The following TAF3 variants were observed in gnomAD, a reference collection of about 807,000 sequenced individuals.
TAF3 encodes the protein TATA-box binding protein associated factor 3.
A neutral mutation model predicts 80.6 loss-of-function variants in TAF3; 7 were observed. The observed-to-expected ratio is 0.09, with a 90% CI of 0.05 to 0.16. The LOEUF is 0.16. Among genes scored for constraint, TAF3 ranks in the 10% least tolerant of loss-of-function variants. The pLI, the probability that TAF3 is intolerant of heterozygous loss-of-function variation, is 1.00. For synonymous variants in TAF3, 444 were observed against 446.1 expected, an observed-to-expected ratio of 1.00 and a Z score of 0.06; for missense variants, 921 against 1,140.2, an observed-to-expected ratio of 0.81 and a Z score of 2.77.
chr10:7,916,986 A>G (rs968306481), intron 2 of TAF3, among the ~76,000 whole-genome samples: 1 of 152,228 alleles, frequency 6.6e-6, no homozygotes, highest in South Asian at 2.1e-4. Context: ...CTTTGGATTC[A>G]TAGGGATCTG....
chr10:7,991,023 G>T (rs1272090814), intron 4 of TAF3, among the ~76,000 whole-genome samples: 2 of 152,176 alleles, frequency 1.3e-5, no homozygotes, highest in Non-Finnish European at 2.9e-5. Flanking sequence ...GACCTTCAAG[G>T]TTAGGAGCTG....
intron 2 of TAF3, among the ~76,000 whole-genome samples, chr10:7,922,772 G>A (rs945957118): frequency 6.6e-6 from 1 of 152,020 alleles, no homozygotes; most frequent in Admixed American, 6.6e-5. Context: ...GTTTTCAAGC[G>A]ATGTTAGAAT....
intron 2 of TAF3, among the ~76,000 whole-genome samples, chr10:7,832,702 A>G (rs1280508328): frequency 6.6e-6 from 1 of 152,080 alleles, no homozygotes; most frequent in Non-Finnish European, 1.5e-5. Flanking sequence ...GGTGCCCACC[A>G]CCACACCCGG....
chr10:7,958,912 A>G (rs985926604), intron 2 of TAF3, among the ~76,000 whole-genome samples: 1 of 152,188 alleles, frequency 6.6e-6, no homozygotes, highest in Admixed American at 6.5e-5. Flanking sequence ...AGGTGGGCGG[A>G]TCACAAGGTC....
At chr10:7,828,900 G>GGTGC (rs75049151) in intron 2 of TAF3, among the ~76,000 whole-genome samples, 98,229 of 150,668 alleles carry the variant, frequency 0.65, 32,468 homozygotes, top group South Asian at 0.88. Context: ...TGGGTGTGGT[G>GGTGC]GTGCCTGTAG....
At chr10:7,975,070 C>CAAAAA (rs35755700) in intron 3 of TAF3, 13 of 175,914 alleles carry the variant, frequency 7.4e-5, no homozygotes, top group East Asian at 2.1e-4. Context: ...GACTCTGTCT[C>CAAAAA]AAAAAAAAAA....
intron 1 of TAF3, 116 bp from the exon 2 acceptor site, chr10:7,824,202 T>C: frequency 8.6e-7 from 1 of 1,160,062 alleles, no homozygotes; most frequent in Non-Finnish European, 1.2e-6. Context: ...TTCCAATAAC[T>C]AGGTTAAAAT....
chr10:7,834,129 G>GT (rs1564343314), intron 2 of TAF3, among the ~76,000 whole-genome samples: 1 of 152,210 alleles, frequency 6.6e-6, no homozygotes, highest in African/African-American at 2.4e-5. Context: ...GTGGGTGCAC[G>GT]TGTTTTCCTC....
intron 2 of TAF3, among the ~76,000 whole-genome samples, chr10:7,846,043 C>T (rs1836967859): frequency 6.6e-6 from 1 of 150,580 alleles, no homozygotes; most frequent in African/African-American, 2.4e-5. Context: ...ACTGCAAGCT[C>T]CGCCTCCTGG....
chr10:7,836,313 G>A (rs188348486), intron 2 of TAF3, among the ~76,000 whole-genome samples: 5 of 149,462 alleles, frequency 3.3e-5, no homozygotes, highest in East Asian at 2.0e-4. Flanking sequence ...TTTTTGAGAC[G>A]GAGTTTCGCT....
chr10:7,899,009 T>C (rs978229836), intron 2 of TAF3, among the ~76,000 whole-genome samples: 89 of 152,286 alleles, frequency 5.8e-4, no homozygotes, highest in African/African-American at 2.0e-3. Context: ...TCAGTTCCCA[T>C]AGGTTTTTTC....
At chr10:7,960,944 TC>T (rs1288484855) in intron 2 of TAF3, among the ~76,000 whole-genome samples, 17 of 152,284 alleles carry the variant, frequency 1.1e-4, no homozygotes, top group Non-Finnish European at 2.1e-4. Context: ...ACCCTCAATT[TC>T]CAAGGGATGC....
At chr10:7,852,653 C>T (rs945255187) in intron 2 of TAF3, among the ~76,000 whole-genome samples, 2 of 152,192 alleles carry the variant, frequency 1.3e-5, no homozygotes, top group African/African-American at 4.8e-5. Flanking sequence ...CGTCAGAGTA[C>T]ACATAATATC....
intron 2 of TAF3, among the ~76,000 whole-genome samples, chr10:7,886,264 C>T (rs1837408195): frequency 6.6e-6 from 1 of 152,280 alleles, no homozygotes; most frequent in South Asian, 2.1e-4. Flanking sequence ...CCACATTAGA[C>T]ATAACCAGCC....
At chr10:7,977,193 A>G in intron 3 of TAF3, 48 bp from the exon 4 acceptor site, 1 of 1,557,356 alleles carries the variant, frequency 6.4e-7, no homozygotes, top group African/African-American at 1.4e-5. Flanking sequence ...GGTAGGAGGT[A>G]CTTTTGTTGA....
chr10:7,969,240 C>T lies in TAF3; in HGVS notation c.2232+3498C>T, dbSNP rs1021659226. 4.6e-5 allele frequency among the ~76,000 whole-genome samples: 7 copies of T among 151,746 alleles called. No individual in the cohort carries two copies. The East Asian group carries it at 5.8e-4, about 13-fold the overall frequency. On this transcript the variant is annotated intron_variant, in intron 3 of 6. Transcript: ENST00000344293. ...GTCTCAGCTGCTTGGGAGGCTAAGG[C>T]GGGAGGATAGCACCACTGCACTTCA...
At chr10:7,921,702 G>A (rs1420603572) in intron 2 of TAF3, among the ~76,000 whole-genome samples, 1 of 152,100 alleles carries the variant, frequency 6.6e-6, no homozygotes, top group Admixed American at 6.5e-5. Context: ...TTCAGGTAAG[G>A]TTGTATAGTC....
rs772739819 is a variant in TAF3 at position 8,009,267 on chromosome 10, C to T, written c.2505C>T (p.Ala835=). 6.4e-7 allele frequency: 1 copy of T among 1,567,386 alleles called. No individual in the cohort carries two copies. Among genetic ancestry groups the T allele is most frequent in the South Asian group, 1.2e-5 (1 of 86,494 alleles). ...TGCTGCCCTCCCCGGGTCCCGCCGC[C>T]TCCGGGGCCAGTGCCAAAGCCCCCG... is the stretch of plus-strand genomic sequence containing the variant. ...PALLPSPGPA[A]SGASAKAPVR... is the part of the protein sequence containing the mutation. Residue 835 remains alanine, a synonymous_variant, in exon 5 of 7, where the codon GCC becomes GCT. Transcript: ENST00000344293. This position sits in a 1 kb window ranked among gnomAD's most constrained non-coding sequence, Gnocchi z 4.1.
intron 2 of TAF3, among the ~76,000 whole-genome samples, chr10:7,937,223 T>C (rs916723954): frequency 1.3e-5 from 2 of 152,222 alleles, no homozygotes; most frequent in African/African-American, 4.8e-5. Context: ...CTGGATCCTA[T>C]GGTAAGAGTA....
Sources: allele counts gnomAD v4.1 joint callset (sites outside exome capture counted in the v4.1 genomes callset), GRCh38; gene constraint gnomAD v4.1.1; non-coding constraint Gnocchi (gnomAD v3.1); transcripts MANE v1.5; gene names NCBI Gene and HGNC (gene_info 2026-07-23, HGNC 2026-07-21).